Variants in DIAPH3 observed in about 807,000 individuals in gnomAD.
The protein encoded by DIAPH3 is protein diaphanous homolog 3.
In DIAPH3, 117 loss-of-function variants were observed where a neutral mutation model predicts 144.3. The ratio of observed to expected loss-of-function variants is 0.81; its 90% CI spans 0.70 to 0.95. The LOEUF (loss-of-function observed/expected upper bound fraction) is 0.95. Ranked by LOEUF, DIAPH3 falls within the 40% of genes least tolerant of loss-of-function variation. The pLI is 0.00. For synonymous variants in DIAPH3, 519 were observed against 488.9 expected (o/e 1.06, Z -0.81); for missense variants, 1,421 against 1,412.7 (o/e 1.01, Z -0.09).
At chr13:60,121,962 C>A (rs1282644471) in intron 2 of DIAPH3, among the ~76,000 whole-genome samples, 1 of 152,110 alleles carries the variant, frequency 6.6e-6, no homozygotes, top group Non-Finnish European at 1.5e-5. Context: ...TAACCTGCCT[C>A]CATCTCTTCA....
intron 3 of DIAPH3, among the ~76,000 whole-genome samples, chr13:60,106,055 G>A (rs1019462744): frequency 2.6e-5 from 4 of 152,198 alleles, no homozygotes; most frequent in Admixed American, 2.6e-4. Context: ...TATGGAATAA[G>A]CTTAGCAAGA....
rs150118628 is a variant in DIAPH3 at position 59,947,714 on chromosome 13, C to G, written c.2074+22230G>C. Among the ~76,000 whole-genome samples the G allele has an allele frequency of 1.2e-3, 177 of 150,842 alleles. 1 individual carries two copies. The highest frequency in any genetic ancestry group is 4.1e-3 in the African/African-American group (170 of 41,050). Reference sequence around the variant, plus strand: ...TGCCACTGCACTCCAGCCTGGGCAACAGAGCAAGACTCTGTATTTAAAAAA... The same window carrying G: ...TGCCACTGCACTCCAGCCTGGGCAAGAGAGCAAGACTCTGTATTTAAAAAA... On this transcript the variant is annotated intron_variant, in intron 17 of 27. Coordinates refer to ENST00000400324, the MANE Select transcript of DIAPH3 (RefSeq NM_001042517.2).
intron 21 of DIAPH3, among the ~76,000 whole-genome samples, chr13:59,875,288 A>G (rs1341020349): frequency 6.6e-6 from 1 of 152,126 alleles, no homozygotes; most frequent in Admixed American, 6.5e-5. Flanking sequence ...CATTTGGAGG[A>G]TTTTTTAATG....
chr13:59,828,896 G>A (rs2139693331), intron 24 of DIAPH3, among the ~76,000 whole-genome samples: 1 of 151,880 alleles, frequency 6.6e-6, no homozygotes, highest in East Asian at 1.9e-4. Flanking sequence ...TTAATTCCCA[G>A]TTGAGAATTC....
intron 25 of DIAPH3, among the ~76,000 whole-genome samples, chr13:59,802,193 T>A (rs1396654403): frequency 6.6e-6 from 1 of 152,170 alleles, no homozygotes; most frequent in Non-Finnish European, 1.5e-5. Flanking sequence ...ATAGAAATAC[T>A]GGGGTCTATA....
chr13:59,953,256 A>T (rs2049195394), intron 17 of DIAPH3, among the ~76,000 whole-genome samples: 1 of 152,168 alleles, frequency 6.6e-6, no homozygotes, highest in South Asian at 2.1e-4. Context: ...TCTGGGGTAC[A>T]TCATGAAGGT....
chr13:59,995,383 C>G (rs1386097082), intron 9 of DIAPH3, among the ~76,000 whole-genome samples: 1 of 151,864 alleles, frequency 6.6e-6, no homozygotes, highest in Non-Finnish European at 1.5e-5. Flanking sequence ...CATTACAAAA[C>G]CAACCTCCCT....
At chr13:59,955,017 C>T (rs1377878634) in intron 17 of DIAPH3, among the ~76,000 whole-genome samples, 6 of 151,248 alleles carry the variant, frequency 4.0e-5, no homozygotes, top group African/African-American at 1.5e-4. Flanking sequence ...TGAAATAATC[C>T]AACGATTACT....
chr13:59,838,852 T>G (rs1378996959), intron 23 of DIAPH3: 1 of 159,206 alleles, frequency 6.3e-6, no homozygotes, highest in Non-Finnish European at 1.4e-5. Context: ...CTCACGCCTA[T>G]AATCCCAGCA....
At chr13:59,972,577 C>G (rs1259079705) in intron 15 of DIAPH3, among the ~76,000 whole-genome samples, 1 of 152,032 alleles carries the variant, frequency 6.6e-6, no homozygotes, top group Non-Finnish European at 1.5e-5. Context: ...GAAGTTGAGG[C>G]CACAAATCAA....
chr13:60,031,991 T>C (rs1470995622), intron 5 of DIAPH3, among the ~76,000 whole-genome samples: 2 of 152,144 alleles, frequency 1.3e-5, no homozygotes, highest in African/African-American at 2.4e-5. Context: ...ATCCACCGCC[T>C]TGGCCTTCCA....
At chr13:60,088,725 G>A (rs747190431) in intron 4 of DIAPH3, among the ~76,000 whole-genome samples, 42 of 152,240 alleles carry the variant, frequency 2.8e-4, no homozygotes, top group South Asian at 2.1e-3. Flanking sequence ...GGGTTCAAGC[G>A]ATTCTCCTGC....
chr13:60,126,557 A>C (rs993693862), intron 2 of DIAPH3, among the ~76,000 whole-genome samples: 1 of 152,190 alleles, frequency 6.6e-6, no homozygotes, highest in Non-Finnish European at 1.5e-5. Flanking sequence ...TAGAACACAC[A>C]GAAAATTAAC....
intron 5 of DIAPH3, among the ~76,000 whole-genome samples, chr13:60,022,990 G>A (rs1351468012): frequency 1.3e-5 from 2 of 151,960 alleles, no homozygotes; most frequent in African/African-American, 4.8e-5. Context: ...TGAGGGTTTT[G>A]GTTTTGTTTT....
intron 4 of DIAPH3, among the ~76,000 whole-genome samples, chr13:60,063,806 G>C (rs1051366220): frequency 2.6e-5 from 4 of 152,038 alleles, no homozygotes; most frequent in Admixed American, 6.6e-5. Context: ...GCACGCACCT[G>C]TGATCCCAGC....
intron 27 of DIAPH3, among the ~76,000 whole-genome samples, chr13:59,667,638 C>T (rs543587589): frequency 5.3e-5 from 8 of 152,312 alleles, no homozygotes; most frequent in South Asian, 2.1e-4. Flanking sequence ...AGTATATACA[C>T]ATCTATACAT....
intron 27 of DIAPH3, among the ~76,000 whole-genome samples, chr13:59,758,809 T>C (rs566366539): frequency 1.1e-4 from 16 of 151,754 alleles, no homozygotes; most frequent in African/African-American, 3.9e-4. Context: ...AGACAGGGTC[T>C]TGCTCTGTCC....
chr13:60,089,823 G>C (rs1644414532), intron 4 of DIAPH3, among the ~76,000 whole-genome samples: 1 of 152,126 alleles, frequency 6.6e-6, no homozygotes, highest in African/African-American at 2.4e-5. Flanking sequence ...CTAAGTGAGG[G>C]GAGCGTCTTA....
chr13:59,810,877 T>C lies in DIAPH3; in HGVS notation c.3074A>G (p.Glu1025Gly). 1 of 1,612,452 alleles carries C rather than the reference T, an allele frequency of 6.2e-7. No homozygotes were observed. The highest frequency in any genetic ancestry group is 8.5e-7 in the Non-Finnish European group (1 of 1,179,670). Residue 1025 changes from glutamate (E) to glycine (G), a missense_variant, in exon 25 of 28, where the codon GAA becomes GGA. Coordinates refer to ENST00000400324, the MANE Select transcript of DIAPH3 (RefSeq NM_001042517.2). The stretch of plus-strand genomic sequence containing the variant: ...TTCTTTAGCTATTCTGACACGTTTT[T>C]CTTTTTCCTCTGCTTCTCTTTTTTT... ...NIKKREAEEK[E>G]KRVRIAKELA...
Sources: allele counts gnomAD v4.1 joint callset (sites outside exome capture counted in the v4.1 genomes callset), GRCh38; gene constraint gnomAD v4.1.1; transcripts MANE v1.5; gene names NCBI Gene and HGNC (gene_info 2026-07-23, HGNC 2026-07-21).